Variants in TRIM5 observed in about 807,000 individuals in gnomAD.
The protein encoded by TRIM5 is tripartite motif-containing protein 5.
Under a neutral mutation model 35.6 loss-of-function variants are expected in TRIM5, and 31 were observed. That is an observed-to-expected ratio of 0.87 (90% confidence interval 0.65 to 1.18). TRIM5 has a LOEUF of 1.18. Among genes scored for constraint, TRIM5 ranks in the 50% most tolerant of loss-of-function variants. The pLI, the probability that TRIM5 is intolerant of heterozygous loss-of-function variation, is 0.00. For missense variants in TRIM5, 609 were observed against 591.6 expected (o/e 1.03, Z -0.31); for synonymous variants, 243 against 215.6 (o/e 1.13, Z -1.11).
the TRIM5 span, among the ~76,000 whole-genome samples, chr11:5,620,231 G>A: frequency 6.0e-5 from 8 of 133,344 alleles, no homozygotes; most frequent in African/African-American, 2.2e-4. Flanking sequence ...AGGCTGGAGT[G>A]CGGCGGCGGG....
At chr11:5,652,947 G>A in the TRIM5 span, among the ~76,000 whole-genome samples, 1 of 151,672 alleles carries the variant, frequency 6.6e-6, no homozygotes, top group Admixed American at 6.6e-5. Context: ...CAGCCTCCTG[G>A]GTTCATGCCA....
At chr11:5,598,772 A>G in the TRIM5 span, among the ~76,000 whole-genome samples, 1 of 152,168 alleles carries the variant, frequency 6.6e-6, no homozygotes, top group African/African-American at 2.4e-5. Context: ...CAAGCTTTTA[A>G]TTTTTCTTGT....
chr11:5,611,285 A>G, the TRIM5 span: 1 of 1,614,154 alleles, frequency 6.2e-7, no homozygotes, highest in Non-Finnish European at 8.5e-7. Context: ...CTCTTTGTCC[A>G]TATTTTAATC....
the TRIM5 span, among the ~76,000 whole-genome samples, chr11:5,633,146 C>CTT: frequency 2.3e-3 from 242 of 106,784 alleles, 1 homozygote; most frequent in African/African-American, 7.5e-3. Context: ...CCTTTTCTTT[C>CTT]TTTTTTTTTT....
the TRIM5 span, among the ~76,000 whole-genome samples, chr11:5,627,078 G>C: frequency 6.6e-6 from 1 of 152,048 alleles, no homozygotes. Context: ...TGAGAGCAGA[G>C]TGAAGAAGGA....
downstream of TRIM5, among the ~76,000 whole-genome samples, chr11:5,661,632 G>A (rs77148661): frequency 5.1e-3 from 772 of 152,228 alleles, 4 homozygotes; most frequent in African/African-American, 0.018. Flanking sequence ...GTTACTCAGA[G>A]GTTCAGAAGT....
the TRIM5 span, among the ~76,000 whole-genome samples, chr11:5,614,139 A>G: frequency 7.2e-5 from 11 of 152,336 alleles, no homozygotes; most frequent in East Asian, 1.9e-3. Context: ...GTGATAGAGT[A>G]GGCTCAACTA....
rs1852297117 is a variant in TRIM5 at position 5,679,909 on chromosome 11, T to C, written c.269A>G (p.Gln90Arg). ...ATGGCGTGCACAATGATCAACTTTC[T>C]GCCCCTCTGGGCTCAACTTGACCTC... is the stretch of plus-strand genomic sequence containing the variant. ...LREVKLSPEG[Q>R]KVDHCARHGE... Residue 90 changes from glutamine (Q) to arginine (R), a missense_variant, in exon 2 of 8, where the codon CAG becomes CGG. Gln to Arg is a conservative substitution (Grantham distance 43). Transcript: ENST00000380034. 2 of 1,614,078 alleles carry C rather than the reference T, an allele frequency of 1.2e-6. No homozygotes were observed. The highest frequency in any genetic ancestry group is 1.7e-6 in the Non-Finnish European group (2 of 1,180,016).
the TRIM5 span, among the ~76,000 whole-genome samples, chr11:5,647,759 G>C: frequency 6.6e-6 from 1 of 152,172 alleles, no homozygotes; most frequent in Admixed American, 6.5e-5. Context: ...CTGACCTCGT[G>C]ATCCACCTGC....
At chr11:5,620,324 C>T in the TRIM5 span, among the ~76,000 whole-genome samples, 3 of 151,318 alleles carry the variant, frequency 2.0e-5, no homozygotes, top group Non-Finnish European at 2.9e-5. Context: ...ACTACAGGCG[C>T]GCGCCACTGC....
intron 4 of TRIM5, among the ~76,000 whole-genome samples, chr11:5,669,288 C>G (rs545225762): frequency 6.6e-6 from 1 of 152,058 alleles, no homozygotes; most frequent in Non-Finnish European, 1.5e-5. Flanking sequence ...CCATGTTGGT[C>G]GGGCTGGTCT....
chr11:5,642,338 C>T, the TRIM5 span: 2 of 1,416,910 alleles, frequency 1.4e-6, no homozygotes, highest in African/African-American at 1.4e-5. Context: ...GGAGATGAAA[C>T]CAGTGATGTG....
chr11:5,643,633 T>A, the TRIM5 span: 2 of 1,614,008 alleles, frequency 1.2e-6, no homozygotes, highest in African/African-American at 1.3e-5. Flanking sequence ...AAATGTTGCT[T>A]TTCTCAGCCT....
the TRIM5 span, among the ~76,000 whole-genome samples, chr11:5,591,877 C>G: frequency 0.026 from 3,918 of 150,080 alleles, 180 homozygotes; most frequent in African/African-American, 0.09. Flanking sequence ...CATGTTCAGG[C>G]TATGTGACCT....
intron 2 of TRIM5, among the ~76,000 whole-genome samples, chr11:5,679,550 G>A (rs1164500422): frequency 6.6e-6 from 1 of 151,964 alleles, no homozygotes; most frequent in African/African-American, 2.4e-5. Flanking sequence ...ATTTACTCCC[G>A]GCCAGGAATA....
At chr11:5,653,870 T>C in the TRIM5 span, among the ~76,000 whole-genome samples, 1 of 152,130 alleles carries the variant, frequency 6.6e-6, no homozygotes, top group Non-Finnish European at 1.5e-5. Context: ...TTTTGTTATC[T>C]GAGTAAATTA....
At chr11:5,614,551 G>A in the TRIM5 span, among the ~76,000 whole-genome samples, 1 of 152,172 alleles carries the variant, frequency 6.6e-6, no homozygotes, top group African/African-American at 2.4e-5. Flanking sequence ...GGTGGAAACT[G>A]CCTGGAACCC....
At chr11:5,641,057 T>C in the TRIM5 span, 2 of 1,416,668 alleles carry the variant, frequency 1.4e-6, no homozygotes, top group Non-Finnish European at 1.9e-6. Context: ...GACATTTTCA[T>C]ATAACTCACT....
intron 7 of TRIM5, 21 bp downstream of exon 7, chr11:5,665,635 G>A (rs996419525): frequency 1.9e-6 from 3 of 1,565,616 alleles, no homozygotes; most frequent in African/African-American, 2.8e-5. Flanking sequence ...GGTGGCTTAT[G>A]ATAATGTGAC....
Sources: allele counts gnomAD v4.1 joint callset (sites outside exome capture counted in the v4.1 genomes callset), GRCh38; gene constraint gnomAD v4.1.1; transcripts MANE v1.5; gene names NCBI Gene and HGNC (gene_info 2026-07-23, HGNC 2026-07-21).